The following RIPOR1 variants were observed in gnomAD, a reference collection of about 807,000 sequenced individuals.
RIPOR1 encodes the protein RHO family interacting cell polarization regulator 1.
A neutral mutation model predicts 116.5 loss-of-function variants in RIPOR1; 58 were observed. That is an observed-to-expected ratio of 0.50 (90% confidence interval 0.40 to 0.62). The LOEUF (loss-of-function observed/expected upper bound fraction) is 0.62. Among genes scored for constraint, RIPOR1 ranks in the 20% least tolerant of loss-of-function variants. RIPOR1 has a pLI of 0.00. For synonymous variants in RIPOR1, 605 were observed against 650.0 expected, an observed-to-expected ratio of 0.93 and a Z score of 1.05; for missense variants, 1,372 against 1,586.2, an observed-to-expected ratio of 0.86 and a Z score of 2.29.
intron 1 of RIPOR1, among the ~76,000 whole-genome samples, chr16:67,522,703 C>T (rs993550978): frequency 1.3e-5 from 2 of 152,038 alleles, no homozygotes; most frequent in African/African-American, 2.4e-5. Context: ...CTACCCCGCC[C>T]TCACCCCACT....
At position 67,540,386 on chromosome 16, in the gene RIPOR1, G is replaced by A. The variant is rs199696724; in HGVS notation, c.631+23G>A. The A allele has an allele frequency of 6.2e-7, 1 of 1,614,152 alleles. No individual in the cohort carries two copies. Among genetic ancestry groups the A allele is most frequent in the Non-Finnish European group, 8.5e-7 (1 of 1,180,002 alleles). On this transcript the variant is annotated intron_variant, in intron 8 of 21. Transcript: ENST00000042381. The surrounding 1 kb of genome is among the most constrained non-coding windows in gnomAD (Gnocchi z 4.7). ...AAGGTACTGAGTTGTGGGGGCAGGTGGGGGGCTGGAGGGAGTATGCTGAAG... is the reference window on the plus strand; with the variant it reads ...AAGGTACTGAGTTGTGGGGGCAGGTAGGGGGCTGGAGGGAGTATGCTGAAG...
chr16:67,542,650 C>A lies in RIPOR1; in HGVS notation c.1864C>A (p.Pro622Thr). Residue 622 changes from proline (P) to threonine (T), a missense_variant, in exon 13 of 22, where the codon CCC becomes ACC. Around this residue, in one of 3 missense-constraint regions of RIPOR1, gnomAD observed 1,005 missense variants for 1,144.7 expected, o/e 0.88. Coordinates refer to ENST00000042381, the MANE Select transcript of RIPOR1 (RefSeq NM_024519.4). This position sits in a 1 kb window ranked among gnomAD's most constrained non-coding sequence, Gnocchi z 4.6. ...TASPTHTSTS[P>T]THTPTSPTHK... Reference sequence around the variant, plus strand: ...AAGCCCCACTCATACTTCCACAAGCCCCACCCATACCCCCACAAGTCCCAC... The same window carrying A: ...AAGCCCCACTCATACTTCCACAAGCACCACCCATACCCCCACAAGTCCCAC... The A allele has an allele frequency of 6.2e-7, 1 of 1,613,552 alleles. No individual in the cohort carries two copies. Among genetic ancestry groups the A allele is most frequent in the Non-Finnish European group, 8.5e-7 (1 of 1,179,850 alleles).
At position 67,542,793 on chromosome 16, in the gene RIPOR1, A is replaced by T; in HGVS notation, c.2007A>T (p.Thr669=). ...CCACAAGCCCCACCCATCCCACCAC[A>T]AGCCCCATCCTTATAAATGTAAGCC... The part of the protein sequence containing the change: ...HPTTSPTHPT[T]SPILINVSPS... The change falls in exon 13 of 22, where the codon ACA becomes ACT. Residue 669 remains threonine, a synonymous_variant. Coordinates refer to ENST00000042381, the MANE Select transcript of RIPOR1 (RefSeq NM_024519.4). The surrounding 1 kb of genome is among the most constrained non-coding windows in gnomAD (Gnocchi z 4.6). 1 of 1,612,802 alleles carries T rather than the reference A, an allele frequency of 6.2e-7. No individual in the cohort carries two copies. The highest frequency in any genetic ancestry group is 8.5e-7 in the Non-Finnish European group (1 of 1,179,718).
At position 67,543,510 on chromosome 16, in the gene RIPOR1, G is replaced by C; in HGVS notation, c.2600+41G>C. The C allele has an allele frequency of 6.5e-7, 1 of 1,543,190 alleles. No homozygotes were observed. Among genetic ancestry groups the C allele is most frequent in the Non-Finnish European group, 8.7e-7 (1 of 1,146,622 alleles). ...AAGATGGGTGTGAGGCTAGGTGAGA[G>C]GGAAAAGGTGAGGCAGGACCAGGGG... is the stretch of plus-strand genomic sequence containing the variant. On this transcript the variant is annotated intron_variant, in intron 14 of 21. Transcript: ENST00000042381. This position sits in a 1 kb window ranked among gnomAD's most constrained non-coding sequence, Gnocchi z 4.7.
chr16:67,538,143 G>C (rs1414390215), intron 1 of RIPOR1: 1 of 361,478 alleles, frequency 2.8e-6, no homozygotes, highest in African/African-American at 2.1e-5. Flanking sequence ...AGCCGGAGGA[G>C]GGTCCCCGCG....
intron 1 of RIPOR1, among the ~76,000 whole-genome samples, chr16:67,536,819 C>T (rs1466706781): frequency 1.3e-5 from 2 of 152,160 alleles, no homozygotes; most frequent in African/African-American, 4.8e-5. Flanking sequence ...TTGGCACAGC[C>T]CCTCCAATCA....
In RIPOR1 at chr16:67,530,362, G is replaced by A. The variant is rs1361150563; in HGVS notation, c.-24+1448G>A. ...CCTCCGCCCGGTTCCGGGGTGGGGGGTCCGGGGCTGTGCCGCTCCCCCTCC... is the reference window on the plus strand; with the variant it reads ...CCTCCGCCCGGTTCCGGGGTGGGGGATCCGGGGCTGTGCCGCTCCCCCTCC... On this transcript the variant is annotated intron_variant, in intron 1 of 21. Coordinates refer to ENST00000042381, the MANE Select transcript of RIPOR1 (RefSeq NM_024519.4). The surrounding 1 kb of genome is among the most constrained non-coding windows in gnomAD (Gnocchi z 4.5). Among the ~76,000 whole-genome samples the A allele has an allele frequency of 6.6e-6, 1 of 152,212 alleles. No homozygotes were observed.
At position 67,537,611 on chromosome 16, in the gene RIPOR1, C is replaced by G; in HGVS notation, c.-23-813C>G. 7.1e-7 allele frequency: 1 copy of G among 1,406,532 alleles called. No individual in the cohort carries two copies. The highest frequency in any genetic ancestry group is 9.3e-7 in the Non-Finnish European group (1 of 1,077,108). The allele number at this position is 1,406,532 out of a possible 1,614,324, so 87.1% of individuals were successfully genotyped here. On this transcript the variant is annotated intron_variant, in intron 1 of 21. Coordinates refer to ENST00000042381, the MANE Select transcript of RIPOR1 (RefSeq NM_024519.4). The surrounding 1 kb of genome is among the most constrained non-coding windows in gnomAD (Gnocchi z 4.6). ...CCAAGAAGAGAGGTAGGACCCAGCT[C>G]GGGGCTGCGAAAGCTCAGGGACTGG...
At position 67,539,906 on chromosome 16, in the gene RIPOR1, G is replaced by A. The variant is rs781070962; in HGVS notation, c.414+7G>A. On this transcript the variant is annotated splice_region_variant and intron_variant, in intron 6 of 21. Transcript: ENST00000042381. Reference sequence around the variant, plus strand: ...GGAGTTCCATGCCAGCAAGGTACGAGTGCAGCATGTGTGCAGAGTGGGGTG... The same window carrying A: ...GGAGTTCCATGCCAGCAAGGTACGAATGCAGCATGTGTGCAGAGTGGGGTG... 5.6e-6 allele frequency: 9 copies of A among 1,614,194 alleles called. No homozygotes were observed. The Admixed American group carries it at 6.7e-5, about 12-fold the overall frequency.
intron 21 of RIPOR1, 61 bp downstream of exon 21, chr16:67,546,292 G>A (rs1430547749): frequency 6.2e-7 from 1 of 1,608,704 alleles, no homozygotes; most frequent in Non-Finnish European, 8.5e-7. Flanking sequence ...GATGGGAGTA[G>A]GAGAGATGGC....
chr16:67,536,114 G>A (rs1397757003), intron 1 of RIPOR1, among the ~76,000 whole-genome samples: 1 of 152,120 alleles, frequency 6.6e-6, no homozygotes, highest in Non-Finnish European at 1.5e-5. Flanking sequence ...GGATGGGCAT[G>A]GTGGCATCTA....
In RIPOR1 at chr16:67,542,954, G is replaced by A. The variant is rs1177700044; in HGVS notation, c.2168G>A (p.Arg723Lys). The change falls in exon 13 of 22, where the codon AGA (arginine) becomes AAA (lysine). Residue 723 changes from arginine (R) to lysine (K), a missense_variant. By Grantham distance (26) the Arg-to-Lys change is conservative. Around this residue, in one of 3 missense-constraint regions of RIPOR1, gnomAD observed 1,005 missense variants for 1,144.7 expected, o/e 0.88. Coordinates refer to ENST00000042381, the MANE Select transcript of RIPOR1 (RefSeq NM_024519.4). The surrounding 1 kb of genome is among the most constrained non-coding windows in gnomAD (Gnocchi z 4.6). ...SYTQADPMAP[R>K]TPHPSPAHSS... ...ACTCAGGCAGACCCTATGGCCCCCA[G>A]AACTCCCCACCCAAGTCCTGCCCAT... 3 of 1,585,182 alleles carry A rather than the reference G, an allele frequency of 1.9e-6. No individual in the cohort carries two copies. Among genetic ancestry groups the A allele is most frequent in the African/African-American group, 1.3e-5 (1 of 74,214 alleles).
intron 1 of RIPOR1, among the ~76,000 whole-genome samples, chr16:67,536,112 A>G (rs2050787401): frequency 1.3e-5 from 2 of 152,108 alleles, no homozygotes; most frequent in Non-Finnish European, 1.5e-5. Context: ...AGGGATGGGC[A>G]TGGTGGCATC....
At chr16:67,534,841 T>C (rs1011419790) in intron 1 of RIPOR1, among the ~76,000 whole-genome samples, 22 of 131,412 alleles carry the variant, frequency 1.7e-4, no homozygotes, top group Middle Eastern at 3.9e-3. Context: ...TTTTCTTTTT[T>C]TTTTTTTTTT....
rs560398662 is a variant in RIPOR1 at position 67,540,709 on chromosome 16, T to A, written c.801+5T>A. The A allele has an allele frequency of 1.3e-6, 2 of 1,586,188 alleles. No homozygotes were observed. Among genetic ancestry groups the A allele is most frequent in the South Asian group, 2.3e-5 (2 of 85,864 alleles). On this transcript the variant is annotated splice_donor_5th_base_variant and intron_variant, in intron 10 of 21. Coordinates refer to ENST00000042381, the MANE Select transcript of RIPOR1 (RefSeq NM_024519.4). The surrounding 1 kb of genome is among the most constrained non-coding windows in gnomAD (Gnocchi z 4.7). The stretch of plus-strand genomic sequence containing the variant: ...ACGGAATTTCTGTCTATTAAGGTGA[T>A]GTCTCTGCCCAGGACGGCAGGCCAC...
Position 67,530,505 on chromosome 16 carries a change from C to A in RIPOR1, c.-24+1591C>A, listed in dbSNP as rs996170197. ...CTTCTCCCTTGCAGCCGCCCCTTGC[C>A]CAGGTTATTTTTAGCCTCTGTTTAC... On this transcript the variant is annotated intron_variant, in intron 1 of 21. Transcript: ENST00000042381. This position sits in a 1 kb window ranked among gnomAD's most constrained non-coding sequence, Gnocchi z 4.5. 7.9e-5 allele frequency among the ~76,000 whole-genome samples: 12 copies of A among 152,172 alleles called. No individual in the cohort carries two copies. In the East Asian group the frequency reaches 1.7e-3, roughly 22 times the overall value.
upstream of RIPOR1, among the ~76,000 whole-genome samples, chr16:67,526,683 C>T (rs1037618769): frequency 6.6e-6 from 1 of 152,234 alleles, no homozygotes; most frequent in Non-Finnish European, 1.5e-5. Context: ...CACAGTCAGG[C>T]AGGGTCAGGC....
rs572610449 is a variant in RIPOR1 at position 67,522,860 on chromosome 16, G to T, written c.-24+4247G>T. On this transcript the variant is annotated intron_variant, in intron 1 of 1. Coordinates refer to the RIPOR1 transcript ENST00000562116. ...TCTTCCTCTGGGTTGTTCAGTGACT[G>T]TTTCTTTCCTGTCACTCAAGTCTCA... 9.9e-5 allele frequency among the ~76,000 whole-genome samples: 15 copies of T among 151,820 alleles called. No homozygotes were observed. The East Asian group carries it at 2.5e-3, about 26-fold the overall frequency.
chr16:67,529,761 G>A lies in RIPOR1; in HGVS notation c.-24+847G>A. On this transcript the variant is annotated intron_variant, in intron 1 of 21. Transcript: ENST00000042381. This position sits in a 1 kb window ranked among gnomAD's most constrained non-coding sequence, Gnocchi z 4.1. Reference sequence around the variant, plus strand: ...TAACAATACTTGTGCCCTGGCTGCAGTCTGCGGGGCCGCGCCCTGGGCCTG... The same window carrying A: ...TAACAATACTTGTGCCCTGGCTGCAATCTGCGGGGCCGCGCCCTGGGCCTG... 6.5e-7 allele frequency: 1 copy of A among 1,534,956 alleles called. No individual in the cohort carries two copies. Among genetic ancestry groups the A allele is most frequent in the South Asian group, 1.2e-5 (1 of 84,002 alleles).
Sources: gnomAD v4.1 joint callset for allele counts (sites outside exome capture counted in the v4.1 genomes callset) on GRCh38, gnomAD v4.1.1 for gene constraint, gnomAD v4.1.1 regional missense constraint, Gnocchi (gnomAD v3.1) non-coding constraint, MANE v1.5 for transcripts, NCBI Gene and HGNC (gene_info 2026-07-23, HGNC 2026-07-21) for gene names.